The following ADAMTSL1 variants were observed in gnomAD, a reference collection of about 807,000 sequenced individuals.
ADAMTSL1 encodes the protein ADAMTS-like protein 1.
A neutral mutation model predicts 201.8 loss-of-function variants in ADAMTSL1; 126 were observed. That is an observed-to-expected ratio of 0.62 (90% confidence interval 0.54 to 0.72). The LOEUF (loss-of-function observed/expected upper bound fraction) is 0.72, where lower values mean the gene tolerates loss of function less well. Among genes scored for constraint, ADAMTSL1 ranks in the 30% least tolerant of loss-of-function variants. The probability of loss-of-function intolerance (pLI) is 0.00; values close to 1 mark genes in which losing one functional copy is unlikely to be tolerated. For synonymous variants in ADAMTSL1, 1,121 were observed against 903.4 expected, an observed-to-expected ratio of 1.24 and a Z score of -4.32; for missense variants, 2,679 against 2,277.8, an observed-to-expected ratio of 1.18 and a Z score of -3.59.
chr9:18,528,840 CTT>C (rs1564021455), intron 2 of ADAMTSL1, among the ~76,000 whole-genome samples: 4 of 152,188 alleles, frequency 2.6e-5, no homozygotes, highest in African/African-American at 9.6e-5. Flanking sequence ...TAAATCCTCT[CTT>C]ATCATTTGTC....
chr9:17,994,075 G>A (rs1001457370), intron 1 of ADAMTSL1, among the ~76,000 whole-genome samples: 3 of 148,922 alleles, frequency 2.0e-5, no homozygotes, highest in Admixed American at 6.6e-5. Context: ...CTCCACCTCG[G>A]CAGACAGAAT....
In ADAMTSL1 at chr9:17,995,780, C is replaced by T. The variant is rs868029522; in HGVS notation, c.87+88858C>T. Among the ~76,000 whole-genome samples, 15 of 151,514 alleles carry T rather than the reference C, an allele frequency of 9.9e-5. No individual in the cohort carries two copies. In the East Asian group the frequency reaches 1.4e-3, roughly 14 times the overall value. ...TAGGAGTTAGAGTGCTAAAAACAGA[C>T]GTACTGTATTATTTATGGCATACTG... On this transcript the variant is annotated intron_variant, in intron 1 of 29. Coordinates refer to the ADAMTSL1 transcript ENST00000680146.
chr9:18,163,912 G>A (rs550727750), exon 2 of ADAMTSL1: 1 of 152,106 alleles, frequency 6.6e-6, no homozygotes, highest in South Asian at 2.1e-4. Context: ...AATTTACACT[G>A]ATTCGAAGAG....
At chr9:18,523,557 G>C (rs1022946159) in intron 2 of ADAMTSL1, among the ~76,000 whole-genome samples, 3 of 152,052 alleles carry the variant, frequency 2.0e-5, no homozygotes, top group Non-Finnish European at 4.4e-5. Flanking sequence ...TTTTCTTCTA[G>C]GGTTTTTATG....
At position 18,267,884 on chromosome 9, in the gene ADAMTSL1, T is replaced by G. The variant is rs139833287; in HGVS notation, c.207+103903T>G. On this transcript the variant is annotated intron_variant, in intron 2 of 29. Coordinates refer to the ADAMTSL1 transcript ENST00000680146. ...ATACATTCTTCTTTGAATGAAAGAT[T>G]TCTTAGAGATTTTACTTTGCCTTCT... Among the ~76,000 whole-genome samples the G allele has an allele frequency of 1.6e-4, 24 of 152,112 alleles. No homozygotes were observed. The East Asian group carries it at 4.4e-3, about 28-fold the overall frequency.
At chr9:18,581,948 C>T (rs188007772) in intron 4 of ADAMTSL1, among the ~76,000 whole-genome samples, 92 of 152,308 alleles carry the variant, frequency 6.0e-4, no homozygotes, top group African/African-American at 2.2e-3. Context: ...CACTTTGTCC[C>T]ATCTCTGAGA....
At chr9:17,974,155 A>T (rs548843581) in intron 1 of ADAMTSL1, among the ~76,000 whole-genome samples, 1 of 152,012 alleles carries the variant, frequency 6.6e-6, no homozygotes. Flanking sequence ...AATGGGCAAA[A>T]ACTGGAAGCA....
At chr9:18,861,818 A>G (rs1288050347) in intron 23 of ADAMTSL1, among the ~76,000 whole-genome samples, 1 of 151,772 alleles carries the variant, frequency 6.6e-6, no homozygotes, top group African/African-American at 2.4e-5. Flanking sequence ...CCTTTCAGAC[A>G]CCTCTGTCCT....
At chr9:18,793,274 T>A (rs1005681527) in intron 19 of ADAMTSL1, 4 of 152,190 alleles carry the variant, frequency 2.6e-5, no homozygotes, top group Non-Finnish European at 5.9e-5. Context: ...GAATAAGCAA[T>A]GTAGTAGGCC....
intron 1 of ADAMTSL1, among the ~76,000 whole-genome samples, chr9:17,908,360 G>T (rs531927040): frequency 6.6e-6 from 1 of 152,210 alleles, no homozygotes; most frequent in African/African-American, 2.4e-5. Context: ...CCTGGAGGGA[G>T]AGGGGAGGCT....
At chr9:18,898,386 T>G (rs560207296) in intron 26 of ADAMTSL1, among the ~76,000 whole-genome samples, 1 of 152,210 alleles carries the variant, frequency 6.6e-6, no homozygotes, top group East Asian at 1.9e-4. Flanking sequence ...CAAGTATCAA[T>G]AGCGGAATAG....
chr9:18,331,243 C>T lies in ADAMTSL1; in HGVS notation c.207+167262C>T, dbSNP rs746435011. On this transcript the variant is annotated intron_variant, in intron 2 of 29. Coordinates refer to the ADAMTSL1 transcript ENST00000680146. Reference sequence around the variant, plus strand: ...GCTAAGGAAGTGTGTTGAGGTAAGCCAAACTGACAGAAAGGTCTTTGATGC... The same window carrying T: ...GCTAAGGAAGTGTGTTGAGGTAAGCTAAACTGACAGAAAGGTCTTTGATGC... Among the ~76,000 whole-genome samples the T allele has an allele frequency of 8.9e-4, 136 of 152,076 alleles. 1 individual carries two copies. The highest frequency in any genetic ancestry group is 1.5e-3 in the Non-Finnish European group (105 of 68,012).
chr9:18,765,573 G>A (rs1433474391), intron 16 of ADAMTSL1, among the ~76,000 whole-genome samples: 3 of 152,132 alleles, frequency 2.0e-5, no homozygotes, highest in Non-Finnish European at 4.4e-5. Context: ...CTCATACCCT[G>A]ACCACTTCCT....
chr9:18,880,119 T>C (rs181069874), intron 23 of ADAMTSL1, among the ~76,000 whole-genome samples: 1 of 152,324 alleles, frequency 6.6e-6, no homozygotes, highest in East Asian at 1.9e-4. Flanking sequence ...CTAGTTCTCT[T>C]GTTATTTCTA....
At chr9:18,460,681 C>T (rs1365821017) in intron 2 of ADAMTSL1, among the ~76,000 whole-genome samples, 3 of 152,192 alleles carry the variant, frequency 2.0e-5, no homozygotes, top group African/African-American at 7.2e-5. Context: ...TGCTTTCATA[C>T]TTTGCAAAAG....
At chr9:18,365,067 C>T (rs1375359636) in intron 2 of ADAMTSL1, among the ~76,000 whole-genome samples, 2 of 152,096 alleles carry the variant, frequency 1.3e-5, no homozygotes, top group Non-Finnish European at 2.9e-5. Flanking sequence ...ATAATGTACC[C>T]TATATAGGGT....
At chr9:18,773,813 C>T (rs1383446499) in intron 17 of ADAMTSL1, among the ~76,000 whole-genome samples, 1 of 152,182 alleles carries the variant, frequency 6.6e-6, no homozygotes, top group Admixed American at 6.5e-5. Flanking sequence ...AACGACCATG[C>T]TCTTTTAAAT....
chr9:18,720,694 A>T (rs1488258173), intron 14 of ADAMTSL1, among the ~76,000 whole-genome samples: 2 of 152,208 alleles, frequency 1.3e-5, no homozygotes, highest in Non-Finnish European at 2.9e-5. Context: ...GAGGCAGGAG[A>T]ATCGCTTGAA....
chr9:18,095,977 T>C (rs1424614474), intron 1 of ADAMTSL1, among the ~76,000 whole-genome samples: 2 of 152,200 alleles, frequency 1.3e-5, no homozygotes, highest in African/African-American at 4.8e-5. Flanking sequence ...TGGATCTTTT[T>C]ATTTGGTCTT....
Sources: allele counts gnomAD v4.1 joint callset (sites outside exome capture counted in the v4.1 genomes callset), GRCh38; gene constraint gnomAD v4.1.1; transcripts MANE v1.5; gene names NCBI Gene and HGNC (gene_info 2026-07-23, HGNC 2026-07-21).